Variants in NUDT14 observed in about 807,000 individuals in gnomAD.
NUDT14 encodes the protein uridine diphosphate glucose pyrophosphatase NUDT14.
Under a neutral mutation model 17.5 loss-of-function variants are expected in NUDT14, and 22 were observed. That is an observed-to-expected ratio of 1.26 (90% confidence interval 0.90 to 1.80). NUDT14 has a LOEUF of 1.80. NUDT14 is among the 40% of genes most tolerant of loss of function. NUDT14 has a pLI of 0.00. For synonymous variants in NUDT14, 129 were observed against 125.8 expected (o/e 1.03, Z -0.17); for missense variants, 296 against 295.6 (o/e 1.00, Z -0.01).
intron 1 of NUDT14, among the ~76,000 whole-genome samples, chr14:105,179,790 C>T (rs962682421): frequency 2.0e-5 from 3 of 152,270 alleles, no homozygotes; most frequent in South Asian, 2.1e-4. Context: ...TGTCCTCCAG[C>T]GCCAACAGGA....
Position 105,177,748 on chromosome 14 carries a change from G to C in NUDT14, c.82-13C>G. The C allele has an allele frequency of 6.2e-6, 10 of 1,611,966 alleles. No individual in the cohort carries two copies. The highest frequency in any genetic ancestry group is 7.6e-6 in the Non-Finnish European group (9 of 1,179,338). Reference sequence around the variant, plus strand: ...TCTGGGCACCATTCTAGAAGGGGCAGGTCAGCGGTTAGAATGTCCCAGGAT... The same window carrying C: ...TCTGGGCACCATTCTAGAAGGGGCACGTCAGCGGTTAGAATGTCCCAGGAT... On this transcript the variant is annotated splice_polypyrimidine_tract_variant and intron_variant, in intron 1 of 4. Coordinates refer to ENST00000392568, the MANE Select transcript of NUDT14 (RefSeq NM_177533.5).
intron 1 of NUDT14, among the ~76,000 whole-genome samples, chr14:105,179,926 G>A (rs587616842): frequency 1.3e-5 from 2 of 152,250 alleles, no homozygotes; most frequent in African/African-American, 4.8e-5. Context: ...CCCTGAGGGA[G>A]GGAGGCAGGC....
chr14:105,175,412 C>A lies in NUDT14; in HGVS notation c.428+1122G>T, dbSNP rs150455568. 9.8e-3 allele frequency: 1,510 copies of A among 153,484 alleles called. 59 individuals carry two copies. Among genetic ancestry groups the A allele is most frequent in the Admixed American group, 0.076 (1,166 of 15,318 alleles). The allele number at this position is 153,484 out of a possible 1,614,324, so 9.5% of individuals were successfully genotyped here. A position where few individuals can be genotyped will look rare whatever the true frequency, so the allele number is the denominator to read the frequency against. On this transcript the variant is annotated intron_variant, in intron 4 of 4. Transcript: ENST00000392568. Reference sequence around the variant, plus strand: ...TGAGACAGAGTTTCGCTCTTGTTGCCCAGGCTAGAGTGCAATGGCGCGATC... The same window carrying A: ...TGAGACAGAGTTTCGCTCTTGTTGCACAGGCTAGAGTGCAATGGCGCGATC...
At position 105,173,261 on chromosome 14, in the gene NUDT14, C is replaced by T. The variant is rs1418608940; in HGVS notation, c.429G>A (p.Trp143Ter). 1 of 1,531,400 alleles carries T rather than the reference C, an allele frequency of 6.5e-7. No homozygotes were observed. 94.9% of individuals were successfully genotyped at this position (1,531,400 alleles called of 1,614,324 possible). Residue 143 changes from tryptophan (W) to a stop codon, truncating the protein, a stop_gained and splice_region_variant, in exon 5 of 5, where the codon TGG becomes TGA. Transcript: ENST00000392568. LOFTEE classifies it high-confidence loss of function. The surrounding 1 kb of genome is among the most constrained non-coding windows in gnomAD (Gnocchi z 4.7). ...PSDLRRVATYWSGVGLTGSRQ... is the reference protein window; with the variant it reads ...PSDLRRVATY ...TGGAGCCAGTCAGTCCCACTCCAGA[C>T]CTACGGGTTGAGACAGGGTCTGCTG...
At chr14:105,176,926 A>T (rs766195782) in intron 3 of NUDT14, 37 bp downstream of exon 3, 9 of 1,596,824 alleles carry the variant, frequency 5.6e-6, no homozygotes, top group Admixed American at 1.7e-5. Context: ...CCTGAAGGTG[A>T]CCCTGCAGAT....
At chr14:105,177,063 TC>T in intron 2 of NUDT14, 36 bp from the exon 3 acceptor site, 1 of 1,601,510 alleles carries the variant, frequency 6.2e-7, no homozygotes, top group Non-Finnish European at 8.5e-7. Flanking sequence ...ACAGAAGCAC[TC>T]CACTGGCCCT....
intron 4 of NUDT14, among the ~76,000 whole-genome samples, chr14:105,174,035 G>A (rs1175779467): frequency 6.6e-6 from 1 of 152,060 alleles, no homozygotes; most frequent in African/African-American, 2.4e-5. Flanking sequence ...TTCAGACTAG[G>A]AACAGCATGC....
rs371851000 is a variant in NUDT14, at chr14:105,173,265, C to T, written c.429-4G>A. The T allele has an allele frequency of 1.1e-5, 16 of 1,519,422 alleles. No individual in the cohort carries two copies. The Middle Eastern group carries it at 7.0e-4, about 66-fold the overall frequency. The allele number at this position is 1,519,422 out of a possible 1,614,324, so 94.1% of individuals were successfully genotyped here. A position where few individuals can be genotyped will look rare whatever the true frequency, so the allele number is the denominator to read the frequency against. ...GCCAGTCAGTCCCACTCCAGACCTA[C>T]GGGTTGAGACAGGGTCTGCTGAGTC... On this transcript the variant is annotated splice_polypyrimidine_tract_variant and splice_region_variant and intron_variant, in intron 4 of 4. Transcript: ENST00000392568. This position sits in a 1 kb window ranked among gnomAD's most constrained non-coding sequence, Gnocchi z 4.7.
At position 105,181,157 on chromosome 14, in the gene NUDT14, A is replaced by T; in HGVS notation, c.53T>A (p.Leu18Gln). Reference sequence around the variant, plus strand: ...GCGGTAATGCAGCGTGAGCGGCCGCAGGTAGGGTGAGGCGGCGCAGCGGCC... The same window carrying T: ...GCGGTAATGCAGCGTGAGCGGCCGCTGGTAGGGTGAGGCGGCGCAGCGGCC... Reference protein sequence around the residue: ...SVGRCAASPYLRPLTLHYRQN... With the variant: ...SVGRCAASPYQRPLTLHYRQN... Residue 18 changes from leucine (L) to glutamine (Q), a missense_variant, in exon 1 of 5, where the codon CTG becomes CAG. By Grantham distance (113) the Leu-to-Gln change is moderately radical. Transcript: ENST00000392568. The surrounding 1 kb of genome is among the most constrained non-coding windows in gnomAD (Gnocchi z 5.0). The T allele has an allele frequency of 8.6e-7, 1 of 1,163,426 alleles. No individual in the cohort carries two copies. Among genetic ancestry groups the T allele is most frequent in the Non-Finnish European group, 1.1e-6 (1 of 937,768 alleles). 72.1% of individuals were successfully genotyped at this position (1,163,426 alleles called of 1,614,324 possible). A position where few individuals can be genotyped will look rare whatever the true frequency, so the allele number is the denominator to read the frequency against.
intron 4 of NUDT14, chr14:105,175,898 G>C (rs1169346244): frequency 8.4e-7 from 1 of 1,190,652 alleles, no homozygotes; most frequent in Admixed American, 3.1e-5. Flanking sequence ...GGCTGTGGAG[G>C]CTGGTGCTCA....
At position 105,173,066 on chromosome 14, in the gene NUDT14, G is replaced by A; in HGVS notation, c.624C>T (p.Val208=). The A allele has an allele frequency of 6.5e-7, 1 of 1,534,446 alleles. No homozygotes were observed. The highest frequency in any genetic ancestry group is 8.8e-7 in the Non-Finnish European group (1 of 1,140,168). The change falls in exon 5 of 5, where the codon GTC becomes GTT. Residue 208 remains valine, a synonymous_variant. Coordinates refer to ENST00000392568, the MANE Select transcript of NUDT14 (RefSeq NM_177533.5). This position sits in a 1 kb window ranked among gnomAD's most constrained non-coding sequence, Gnocchi z 4.7. Reference sequence around the variant, plus strand: ...GGGCCACCTGGCTGAGGAACCATGAGACACCAAAGATGACGCCGAGGGTCT... The same window carrying A: ...GGGCCACCTGGCTGAGGAACCATGAAACACCAAAGATGACGCCGAGGGTCT... The part of the protein sequence containing the change: ...IPKTLGVIFG[V]SWFLSQVAPN...
chr14:105,174,641 G>A (rs1022773971), intron 4 of NUDT14, among the ~76,000 whole-genome samples: 2 of 152,136 alleles, frequency 1.3e-5, no homozygotes, highest in Non-Finnish European at 2.9e-5. Context: ...GGCGGCGGCC[G>A]CGGCTGCGCC....
In NUDT14 at chr14:105,176,818, C is replaced by A. The variant is rs757202984; in HGVS notation, c.191-47G>T. On this transcript the variant is annotated intron_variant, in intron 3 of 4. Transcript: ENST00000392568. ...TGTGCTCACAGCCACGTGGTGGCCA[C>A]CTCCAGGTCACCCACACAGCCAAGC... 6.9e-6 allele frequency: 11 copies of A among 1,585,002 alleles called. No homozygotes were observed. The Admixed American group carries it at 1.2e-4, about 17-fold the overall frequency.
intron 1 of NUDT14, among the ~76,000 whole-genome samples, chr14:105,178,409 G>A (rs934458581): frequency 2.0e-5 from 3 of 152,076 alleles, no homozygotes; most frequent in African/African-American, 4.8e-5. Context: ...CTGTGGTCCC[G>A]TTCTCCTGTG....
intron 4 of NUDT14, among the ~76,000 whole-genome samples, chr14:105,174,731 C>G (rs1467357316): frequency 6.6e-6 from 1 of 152,116 alleles, no homozygotes; most frequent in Non-Finnish European, 1.5e-5. Flanking sequence ...GCCCTTGGCC[C>G]GGGCTGAGAG....
At chr14:105,178,276 G>A (rs1052983762) in intron 1 of NUDT14, among the ~76,000 whole-genome samples, 19 of 152,090 alleles carry the variant, frequency 1.2e-4, no homozygotes, top group Non-Finnish European at 1.0e-4. Context: ...GAGGAAGGGT[G>A]GCGCCCCAGC....
intron 4 of NUDT14, 98 bp downstream of exon 4, chr14:105,176,436 G>T: frequency 9.9e-7 from 1 of 1,007,246 alleles, no homozygotes; most frequent in South Asian, 1.4e-5. Flanking sequence ...GGAAAACAAG[G>T]AGGAATCCAT....
In NUDT14 at chr14:105,176,988, C is replaced by T. The variant is rs587594044; in HGVS notation, c.165G>A (p.Leu55=). Residue 55 remains leucine (L), a synonymous_variant, in exon 3 of 5, where the codon CTG becomes CTA. Transcript: ENST00000392568. ...CTGGCCGGAACTGCTTCACCAACAC[C>T]AGGCTCCTCCGAGAAGAGTTGAATA... ...VLLFNSSRRS[L]VLVKQFRPAV... is the part of the protein sequence containing the mutation. 1 of 1,612,200 alleles carries T rather than the reference C, an allele frequency of 6.2e-7. No homozygotes were observed. The highest frequency in any genetic ancestry group is 1.1e-5 in the South Asian group (1 of 90,954).
chr14:105,177,009 G>T lies in NUDT14; in HGVS notation c.144C>A (p.Phe48Leu). 1.2e-6 allele frequency: 2 copies of T among 1,611,948 alleles called. No individual in the cohort carries two copies. Among genetic ancestry groups the T allele is most frequent in the South Asian group, 1.1e-5 (1 of 90,922 alleles). The part of the protein sequence containing the change: ...KTHDSVTVLL[F>L]NSSRRSLVLV... The stretch of plus-strand genomic sequence containing the variant: ...ACACCAGGCTCCTCCGAGAAGAGTT[G>T]AATAAGAGAACGGTCACGCTGTGTA... The change falls in exon 3 of 5, where the codon TTC (phenylalanine) becomes TTA (leucine). Residue 48 changes from phenylalanine to leucine, a missense_variant. Phe to Leu is a conservative substitution (Grantham distance 22, BLOSUM62 0). Coordinates refer to ENST00000392568, the MANE Select transcript of NUDT14 (RefSeq NM_177533.5).
Sources: gnomAD v4.1 joint callset for allele counts (sites outside exome capture counted in the v4.1 genomes callset) on GRCh38, gnomAD v4.1.1 for gene constraint, Gnocchi (gnomAD v3.1) non-coding constraint, MANE v1.5 for transcripts, NCBI Gene and HGNC (gene_info 2026-07-23, HGNC 2026-07-21) for gene names.